Variants in C2CD3 observed in about 807,000 individuals in gnomAD.
C2CD3 encodes the protein C2 domain containing 3 centriole elongation regulator, also known as C2 domain-containing protein 3.
C2CD3 carries 148 observed loss-of-function variants against 234.0 expected under a neutral mutation model. The ratio of observed to expected loss-of-function variants is 0.63; its 90% CI spans 0.55 to 0.72. C2CD3 has a LOEUF of 0.72. Among genes scored for constraint, C2CD3 ranks in the 30% least tolerant of loss-of-function variants. The pLI, the probability that C2CD3 is intolerant of heterozygous loss-of-function variation, is 0.00. For synonymous variants in C2CD3, 1,000 were observed against 1,035.4 expected, an observed-to-expected ratio of 0.97 and a Z score of 0.66; for missense variants, 2,577 against 2,811.5, an observed-to-expected ratio of 0.92 and a Z score of 1.89.
intron 32 of C2CD3, among the ~76,000 whole-genome samples, chr11:74,023,041 T>C (rs1000816191): frequency 6.6e-6 from 1 of 152,242 alleles, no homozygotes; most frequent in African/African-American, 2.4e-5. Flanking sequence ...TCCAAAGATC[T>C]GACGAATGTC....
intron 9 of C2CD3, among the ~76,000 whole-genome samples, chr11:74,116,959 TATATACAC>T (rs1282614817): frequency 1.0e-5 from 1 of 99,598 alleles, no homozygotes; most frequent in African/African-American, 3.2e-5. Flanking sequence ...TATATATGTG[TATATACAC>T]ATATACACGT....
chr11:74,019,041 A>G (rs1951982295), intron 32 of C2CD3, among the ~76,000 whole-genome samples: 1 of 151,746 alleles, frequency 6.6e-6, no homozygotes, highest in African/African-American at 2.4e-5. Context: ...CTAGGGCAAG[A>G]CTCCTCAACC....
chr11:74,033,315 G>A, intron 31 of C2CD3, 36 bp downstream of exon 31: 1 of 1,515,574 alleles, frequency 6.6e-7, no homozygotes, highest in Non-Finnish European at 8.8e-7. Flanking sequence ...CTAAGTACCT[G>A]CATCCAAACC....
intron 9 of C2CD3, among the ~76,000 whole-genome samples, chr11:74,116,872 A>ATGTATATATACATACACGTG (rs1565312375): frequency 3.7e-5 from 5 of 135,108 alleles, no homozygotes; most frequent in South Asian, 2.3e-4. Flanking sequence ...ACACGTGTAT[A>ATGTATATATACATACACGTG]TGTATATATA....
At chr11:74,145,762 ATAGC>A (rs1295378200) in intron 3 of C2CD3, among the ~76,000 whole-genome samples, 1 of 152,130 alleles carries the variant, frequency 6.6e-6, no homozygotes, top group Non-Finnish European at 1.5e-5. Context: ...TCTTCCGCAT[ATAGC>A]TAGCCAGTTA....
At chr11:74,050,339 C>T (rs541369494) in intron 26 of C2CD3, among the ~76,000 whole-genome samples, 1 of 152,296 alleles carries the variant, frequency 6.6e-6, no homozygotes, top group East Asian at 1.9e-4. Flanking sequence ...CAAAATGAGT[C>T]TGGGCTCAGG....
In C2CD3 at chr11:74,049,570, A is replaced by G. The variant is rs138954133; in HGVS notation, c.5156-28T>C. 804 of 1,584,908 alleles carry G rather than the reference A, an allele frequency of 5.1e-4. 15 individuals carry two copies. In the East Asian group the frequency reaches 0.017, roughly 34 times the overall value. On this transcript the variant is annotated intron_variant, in intron 26 of 32. Coordinates refer to ENST00000334126, the MANE Select transcript of C2CD3 (RefSeq NM_001286577.2). ...GTAGAGGAAAGAGAAGAGCTGGGCA[A>G]TGTGGCTAGGCATGTCCTGCCACTG...
chr11:74,067,928 T>C (rs1377742619), intron 24 of C2CD3, among the ~76,000 whole-genome samples: 1 of 152,198 alleles, frequency 6.6e-6, no homozygotes, highest in African/African-American at 2.4e-5. Flanking sequence ...TCCTTCTGCT[T>C]TTGCTAATAA....
Position 74,048,350 on chromosome 11 carries a change from AC to A in C2CD3, c.5362-13del, listed in dbSNP as rs764890312. 2 of 1,613,000 alleles carry A rather than the reference AC, an allele frequency of 1.2e-6. No homozygotes were observed. The highest frequency in any genetic ancestry group is 1.7e-6 in the Non-Finnish European group (2 of 1,179,272). ...CTGTATATTGGGATCTGTAAACACA[AC>A]AAGAAAAATGGTACACTTGTCACCA... is the stretch of plus-strand genomic sequence containing the variant. On this transcript the variant is annotated splice_polypyrimidine_tract_variant and intron_variant, in intron 27 of 32. Coordinates refer to ENST00000334126, the MANE Select transcript of C2CD3 (RefSeq NM_001286577.2).
chr11:74,031,314 A>G lies in C2CD3; in HGVS notation c.6809+2037T>C, dbSNP rs944665498. ...CTCAGCCAGGTATAGAAGTCCTTTA[A>G]GATCCAGGCCTTGCCTCACCTCGCA... On this transcript the variant is annotated intron_variant, in intron 31 of 32. Transcript: ENST00000334126. Among the ~76,000 whole-genome samples, 18 of 152,220 alleles carry G rather than the reference A, an allele frequency of 1.2e-4. 2 individuals carry two copies. The highest frequency in any genetic ancestry group is 1.1e-3 in the Admixed American group (17 of 15,284).
At chr11:74,167,004 A>G (rs2135576693) in intron 2 of C2CD3, among the ~76,000 whole-genome samples, 1 of 152,324 alleles carries the variant, frequency 6.6e-6, no homozygotes, top group East Asian at 1.9e-4. Context: ...CTAGATGTCA[A>G]CCCGTTCAAC....
chr11:74,073,390 C>T (rs978219627), intron 24 of C2CD3, among the ~76,000 whole-genome samples: 1 of 152,008 alleles, frequency 6.6e-6, no homozygotes, highest in Non-Finnish European at 1.5e-5. Context: ...AGTTCGAGAT[C>T]AGCCTGTCCA....
At chr11:74,119,791 A>G (rs925948691) in intron 8 of C2CD3, among the ~76,000 whole-genome samples, 5 of 152,152 alleles carry the variant, frequency 3.3e-5, no homozygotes, top group African/African-American at 4.8e-5. Context: ...ATGTGCCACC[A>G]TATCTGGCTA....
At chr11:74,126,219 G>C (rs1357547865) in intron 7 of C2CD3, among the ~76,000 whole-genome samples, 1 of 152,160 alleles carries the variant, frequency 6.6e-6, no homozygotes. Flanking sequence ...TGAATTCCAA[G>C]GAACTGGTAG....
chr11:74,072,523 T>A (rs551156091), intron 24 of C2CD3, among the ~76,000 whole-genome samples: 50 of 152,350 alleles, frequency 3.3e-4, no homozygotes, highest in African/African-American at 1.1e-3. Flanking sequence ...CATGGTTGAC[T>A]GGCTCTCATA....
chr11:74,048,253 T>C lies in C2CD3; in HGVS notation c.5447A>G (p.Gln1816Arg). The change falls in exon 28 of 33, where the codon CAA becomes CGA. Residue 1816 changes from glutamine (Q) to arginine (R), a missense_variant. Coordinates refer to ENST00000334126, the MANE Select transcript of C2CD3 (RefSeq NM_001286577.2). The part of the protein sequence containing the change: ...SSHMARQTLD[Q>R]LAHASSKELD... ...CTCCTTTGAGGAGGCATGAGCAAGTTGGTCTAGGGTCTGCCTTGCCATGTG... is the reference window on the plus strand; with the variant it reads ...CTCCTTTGAGGAGGCATGAGCAAGTCGGTCTAGGGTCTGCCTTGCCATGTG... 4 of 1,613,700 alleles carry C rather than the reference T, an allele frequency of 2.5e-6. No individual in the cohort carries two copies. The highest frequency in any genetic ancestry group is 3.4e-6 in the Non-Finnish European group (4 of 1,179,786).
chr11:74,041,377 C>T (rs1186980452), intron 29 of C2CD3, among the ~76,000 whole-genome samples: 1 of 152,186 alleles, frequency 6.6e-6, no homozygotes, highest in African/African-American at 2.4e-5. Context: ...CACAAAATGT[C>T]CTCCAAAGAC....
At chr11:74,130,393 T>A (rs969511895) in intron 7 of C2CD3, among the ~76,000 whole-genome samples, 4 of 151,998 alleles carry the variant, frequency 2.6e-5, no homozygotes, top group Non-Finnish European at 5.9e-5. Context: ...ACCTAGCTAA[T>A]CTTTTTTATT....
chr11:74,117,072 A>G (rs1342115383), intron 9 of C2CD3, among the ~76,000 whole-genome samples: 7 of 47,912 alleles, frequency 1.5e-4, no homozygotes, highest in Non-Finnish European at 2.6e-4. Context: ...ATATATATAT[A>G]TGAATATATA....
Sources: gnomAD v4.1 joint callset for allele counts (sites outside exome capture counted in the v4.1 genomes callset) on GRCh38, gnomAD v4.1.1 for gene constraint, MANE v1.5 for transcripts, NCBI Gene and HGNC (gene_info 2026-07-23, HGNC 2026-07-21) for gene names.